ENTREP2: variants seen among roughly 807,000 people sequenced by gnomAD.
The protein encoded by ENTREP2 is protein ENTREP2.
chr15:29,356,765 T>C, the ENTREP2 span, among the ~76,000 whole-genome samples: 4 of 152,146 alleles, frequency 2.6e-5, no homozygotes, highest in African/African-American at 7.2e-5. Context: ...TAGTATTCCA[T>C]GGTCAAGGCC....
At chr15:29,580,537 T>C in the ENTREP2 span, among the ~76,000 whole-genome samples, 2 of 152,188 alleles carry the variant, frequency 1.3e-5, no homozygotes, top group Non-Finnish European at 2.9e-5. Flanking sequence ...GAACAGATTA[T>C]GCTGGAAAAG....
At chr15:29,240,152 C>A in the ENTREP2 span, among the ~76,000 whole-genome samples, 4 of 152,100 alleles carry the variant, frequency 2.6e-5, no homozygotes, top group Non-Finnish European at 5.9e-5. Flanking sequence ...CACCTGAGGT[C>A]GGGAGTTCGA....
the ENTREP2 span, chr15:29,123,696 A>G: frequency 6.6e-7 from 1 of 1,510,714 alleles, no homozygotes; most frequent in East Asian, 2.5e-5. Context: ...AACTCACTGA[A>G]ATAAGAAGTT....
chr15:29,486,055 T>A, the ENTREP2 span, among the ~76,000 whole-genome samples: 2 of 152,224 alleles, frequency 1.3e-5, no homozygotes, highest in African/African-American at 2.4e-5. Context: ...GAGATATCCA[T>A]ACTCCCATGT....
the ENTREP2 span, among the ~76,000 whole-genome samples, chr15:29,469,820 T>C: frequency 2.0e-5 from 3 of 152,134 alleles, no homozygotes; most frequent in Non-Finnish European, 4.4e-5. Flanking sequence ...AAGGCTACCT[T>C]TGAGACAGCC....
chr15:29,347,219 G>A, the ENTREP2 span, among the ~76,000 whole-genome samples: 1 of 151,976 alleles, frequency 6.6e-6, no homozygotes, highest in Non-Finnish European at 1.5e-5. Context: ...TTGTCACCCA[G>A]GCTAGAGTGC....
At chr15:29,320,713 C>A in the ENTREP2 span, among the ~76,000 whole-genome samples, 6 of 152,082 alleles carry the variant, frequency 3.9e-5, no homozygotes, top group African/African-American at 1.4e-4. Flanking sequence ...TGCTAGAAAT[C>A]AAAAACACTG....
the ENTREP2 span, among the ~76,000 whole-genome samples, chr15:29,597,459 T>A: frequency 6.6e-6 from 1 of 151,866 alleles, no homozygotes; most frequent in Non-Finnish European, 1.5e-5. Flanking sequence ...TCCCAGCTAC[T>A]CAGGAGGCTG....
At chr15:29,633,064 T>C in the ENTREP2 span, among the ~76,000 whole-genome samples, 1 of 152,232 alleles carries the variant, frequency 6.6e-6, no homozygotes, top group Non-Finnish European at 1.5e-5. Flanking sequence ...CATGAATGAA[T>C]TGTGATTGCT....
chr15:29,266,015 A>G, the ENTREP2 span: 7 of 152,238 alleles, frequency 4.6e-5, no homozygotes, highest in Admixed American at 4.6e-4. Context: ...TTTAGGTCAA[A>G]TGATCTGTAT....
the ENTREP2 span, among the ~76,000 whole-genome samples, chr15:29,358,213 T>C: frequency 6.6e-6 from 1 of 152,142 alleles, no homozygotes; most frequent in African/African-American, 2.4e-5. Context: ...ACAAACATAT[T>C]GTGATCTATT....
the ENTREP2 span, among the ~76,000 whole-genome samples, chr15:29,169,687 T>C: frequency 6.6e-6 from 1 of 152,202 alleles, no homozygotes; most frequent in Non-Finnish European, 1.5e-5. Flanking sequence ...AAAAACTATA[T>C]GACAATCTCA....
chr15:29,216,892 T>C, the ENTREP2 span, among the ~76,000 whole-genome samples: 1 of 152,072 alleles, frequency 6.6e-6, no homozygotes, highest in South Asian at 2.1e-4. Flanking sequence ...ACACCACACT[T>C]TGAGACAAAT....
At chr15:29,621,916 G>A in the ENTREP2 span, among the ~76,000 whole-genome samples, 29 of 152,140 alleles carry the variant, frequency 1.9e-4, no homozygotes, top group Non-Finnish European at 2.9e-5. Flanking sequence ...TCATACAATG[G>A]AATAGTATTG....
At chr15:29,216,661 T>C in the ENTREP2 span, among the ~76,000 whole-genome samples, 1 of 152,222 alleles carries the variant, frequency 6.6e-6, no homozygotes. Flanking sequence ...TGCAAACATT[T>C]AAAAATGAAC....
chr15:29,337,993 A>T, the ENTREP2 span, among the ~76,000 whole-genome samples: 1 of 152,172 alleles, frequency 6.6e-6, no homozygotes, highest in African/African-American at 2.4e-5. Context: ...AGGTGACAAC[A>T]ACACCTTCTT....
chr15:29,127,816 C>A, the ENTREP2 span, among the ~76,000 whole-genome samples: 1 of 152,174 alleles, frequency 6.6e-6, no homozygotes. Context: ...CCCCTTCAGC[C>A]CAAACCCTGG....
the ENTREP2 span, among the ~76,000 whole-genome samples, chr15:29,305,642 G>C: frequency 6.6e-6 from 1 of 152,186 alleles, no homozygotes; most frequent in African/African-American, 2.4e-5. Flanking sequence ...CAGAAACTGA[G>C]TAAATGGCAG....
chr15:29,508,002 C>T, the ENTREP2 span, among the ~76,000 whole-genome samples: 1 of 151,886 alleles, frequency 6.6e-6, no homozygotes, highest in South Asian at 2.1e-4. Context: ...AGGCCGCTAG[C>T]CAGACTAATA....
Sources: allele counts gnomAD v4.1 joint callset (sites outside exome capture counted in the v4.1 genomes callset), GRCh38; gene constraint gnomAD v4.1.1; transcripts MANE v1.5; gene names NCBI Gene and HGNC (gene_info 2026-07-23, HGNC 2026-07-21).